RASSF3: variants seen among roughly 807,000 people sequenced by gnomAD.
The protein encoded by RASSF3 is Ras association domain family member 3, also known as ras association domain-containing protein 3.
A neutral mutation model predicts 19.9 loss-of-function variants in RASSF3; 19 were observed. The ratio of observed to expected loss-of-function variants is 0.96; its 90% CI spans 0.67 to 1.40. The LOEUF is 1.40. Among genes scored for constraint, RASSF3 ranks in the 40% most tolerant of loss-of-function variants. The pLI, the probability that RASSF3 is intolerant of heterozygous loss-of-function variation, is 0.00. For missense variants in RASSF3, 306 were observed against 289.8 expected, an observed-to-expected ratio of 1.06 and a Z score of -0.41; for synonymous variants, 110 against 104.2, an observed-to-expected ratio of 1.06 and a Z score of -0.34.
intron 1 of RASSF3, among the ~76,000 whole-genome samples, chr12:64,635,425 G>A (rs1871300494): frequency 6.6e-6 from 1 of 152,132 alleles, no homozygotes; most frequent in Admixed American, 6.5e-5. Context: ...CTAGCACATG[G>A]GCTAGTGGAA....
At chr12:64,544,925 G>A (rs1263871762), downstream of RASSF3, among the ~76,000 whole-genome samples, 1 of 152,166 alleles carries the variant, frequency 6.6e-6, no homozygotes, top group Admixed American at 6.5e-5. Context: ...AGTGTGTTCA[G>A]CGTGTGTGGT....
At chr12:64,648,575 T>C (rs933979502) in intron 1 of RASSF3, among the ~76,000 whole-genome samples, 2 of 151,538 alleles carry the variant, frequency 1.3e-5, no homozygotes, top group Non-Finnish European at 2.9e-5. Flanking sequence ...CTCCACCTCC[T>C]GGATTCAAGC....
At position 64,621,918 on chromosome 12, in the gene RASSF3, G is replaced by T. The variant is rs563196643; in HGVS notation, c.111+11175G>T. ...TAAACCCGTGGGATTCAGAAGGTGG[G>T]GAGTTGGGTGATGTGTTTTCTACTA... On this transcript the variant is annotated intron_variant, in intron 1 of 4. Coordinates refer to ENST00000542104, the MANE Select transcript of RASSF3 (RefSeq NM_178169.4). 1.8e-4 allele frequency among the ~76,000 whole-genome samples: 28 copies of T among 152,220 alleles called. No homozygotes were observed. The South Asian group carries it at 5.6e-3, about 30-fold the overall frequency.
intron 2 of RASSF3, among the ~76,000 whole-genome samples, chr12:64,555,813 G>A (rs796938515): frequency 6.6e-6 from 1 of 151,832 alleles, no homozygotes; most frequent in African/African-American, 2.4e-5. Context: ...CTAGAACTTT[G>A]GGAGGCCAAG....
At chr12:64,604,144 T>C (rs1023848007) in intron 2 of RASSF3, among the ~76,000 whole-genome samples, 5 of 150,630 alleles carry the variant, frequency 3.3e-5, no homozygotes, top group Admixed American at 2.0e-4. Context: ...TTTTTTTTTT[T>C]AGACAGGGTT....
At chr12:64,596,592 T>G (rs1056438168) in intron 2 of RASSF3, among the ~76,000 whole-genome samples, 1 of 152,134 alleles carries the variant, frequency 6.6e-6, no homozygotes, top group East Asian at 1.9e-4. Flanking sequence ...AGAGCTTGTT[T>G]GTCTGATCCT....
chr12:64,616,573 C>CCATT (rs1282431076), intron 1 of RASSF3, among the ~76,000 whole-genome samples: 2 of 152,216 alleles, frequency 1.3e-5, no homozygotes, highest in African/African-American at 2.4e-5. Context: ...TGGCCAAAGG[C>CCATT]CATTGGCTAG....
chr12:64,631,393 G>T (rs929053243), intron 1 of RASSF3, among the ~76,000 whole-genome samples: 2 of 152,142 alleles, frequency 1.3e-5, no homozygotes, highest in Non-Finnish European at 2.9e-5. Context: ...ACTGCAGTGG[G>T]TGGTGAGTGA....
At chr12:64,634,762 T>TAAAAA (rs57235286) in intron 1 of RASSF3, among the ~76,000 whole-genome samples, 3 of 90,972 alleles carry the variant, frequency 3.3e-5, no homozygotes, top group African/African-American at 1.1e-4. Flanking sequence ...CACCATCTCA[T>TAAAAA]AAAAAAAAAA....
At chr12:64,583,097 G>A (rs748066276) in intron 2 of RASSF3, among the ~76,000 whole-genome samples, 2 of 151,876 alleles carry the variant, frequency 1.3e-5, no homozygotes, top group Non-Finnish European at 1.5e-5. Flanking sequence ...CCCCACCTCC[G>A]CCCCACTTTC....
In RASSF3 at chr12:64,548,017, G is replaced by A. The variant is rs1481560853; in HGVS notation, c.294+6312G>A. On this transcript the variant is annotated intron_variant, in intron 2 of 5. Transcript: ENST00000637125. Reference sequence around the variant, plus strand: ...TTCGTAAAACTGGAAATCAGTATTTGGATAGATACAGACATAGATATGTTT... The same window carrying A: ...TTCGTAAAACTGGAAATCAGTATTTAGATAGATACAGACATAGATATGTTT... 2.0e-5 allele frequency among the ~76,000 whole-genome samples: 3 copies of A among 152,080 alleles called. No homozygotes were observed. The East Asian group carries it at 5.8e-4, about 29-fold the overall frequency.
intron 2 of RASSF3, among the ~76,000 whole-genome samples, chr12:64,584,879 CTTTTTTTTT>C (rs34522445): frequency 1.5e-4 from 12 of 80,820 alleles, no homozygotes; most frequent in South Asian, 5.0e-4. Flanking sequence ...CAGAAGGATT[CTTTTTTTTT>C]TTTTTTTTTT....
At chr12:64,689,940 C>T (rs1465959531) in intron 3 of RASSF3, among the ~76,000 whole-genome samples, 1 of 150,966 alleles carries the variant, frequency 6.6e-6, no homozygotes, top group African/African-American at 2.4e-5. Context: ...AGGCGCCCGC[C>T]ACCACGTCTG....
intron 2 of RASSF3, among the ~76,000 whole-genome samples, chr12:64,569,488 C>T (rs1342067407): frequency 6.6e-6 from 1 of 152,224 alleles, no homozygotes; most frequent in East Asian, 1.9e-4. Flanking sequence ...CGAACGTTGC[C>T]ATGAGTTACA....
At chr12:64,633,062 A>G (rs911513809) in intron 1 of RASSF3, among the ~76,000 whole-genome samples, 8 of 152,102 alleles carry the variant, frequency 5.3e-5, no homozygotes, top group African/African-American at 1.9e-4. Flanking sequence ...ATCTGGCTCT[A>G]TTTGTTTTTT....
In RASSF3 at chr12:64,647,762, A is replaced by AT. The variant is rs201078715; in HGVS notation, c.111+37020dup. ...ACAGGGTTTTGCCCTGTTGCCCAGG[A>AT]TGGTCTCCAACTCCTGGGCTCAAGC... On this transcript the variant is annotated intron_variant, in intron 1 of 4. Transcript: ENST00000542104. Among the ~76,000 whole-genome samples the AT allele has an allele frequency of 9.4e-3, 1,423 of 151,556 alleles. 24 individuals are homozygous for AT. The highest frequency in any genetic ancestry group is 0.033 in the African/African-American group (1,364 of 41,246).
At chr12:64,689,693 T>A (rs1873500800) in intron 3 of RASSF3, among the ~76,000 whole-genome samples, 1 of 152,172 alleles carries the variant, frequency 6.6e-6, no homozygotes, top group Non-Finnish European at 1.5e-5. Flanking sequence ...GCAATGTCAC[T>A]GTATGTGTGT....
At chr12:64,650,408 CTTTTTTTTTTTTTTT>C (rs67304103) in intron 1 of RASSF3, among the ~76,000 whole-genome samples, 1 of 85,472 alleles carries the variant, frequency 1.2e-5, no homozygotes, top group Admixed American at 1.6e-4. Context: ...TTTTTTTTTC[CTTTTTTTTTTTTTTT>C]TTTTTTTTTG....
rs1385786033 is a variant in RASSF3, at chr12:64,620,927, A to G, written c.111+10184A>G. On this transcript the variant is annotated intron_variant, in intron 1 of 4. Coordinates refer to ENST00000542104, the MANE Select transcript of RASSF3 (RefSeq NM_178169.4). The stretch of plus-strand genomic sequence containing the variant: ...ATTGCTATTTAATTTACATTCCTTT[A>G]TTATTATTTTTTAAATTATTATTTT... 2.6e-5 allele frequency among the ~76,000 whole-genome samples: 4 copies of G among 152,188 alleles called. No homozygotes were observed. In the East Asian group the frequency reaches 7.7e-4, roughly 29 times the overall value.
Sources: allele counts gnomAD v4.1 joint callset (sites outside exome capture counted in the v4.1 genomes callset), GRCh38; gene constraint gnomAD v4.1.1; transcripts MANE v1.5; gene names NCBI Gene and HGNC (gene_info 2026-07-23, HGNC 2026-07-21).